The following CUL4A variants were observed in gnomAD, a reference collection of about 807,000 sequenced individuals.
CUL4A encodes the protein cullin 4A.
Under a neutral mutation model 95.5 loss-of-function variants are expected in CUL4A, and 16 were observed. The observed-to-expected ratio is 0.17, with a 90% confidence interval of 0.11 to 0.25. The LOEUF (loss-of-function observed/expected upper bound fraction) is 0.25. Among genes scored for constraint, CUL4A ranks in the 10% least tolerant of loss-of-function variants. The pLI is 1.00. For missense variants in CUL4A, 610 were observed against 937.0 expected (o/e 0.65, Z 4.56); for synonymous variants, 380 against 353.1 (o/e 1.08, Z -0.85).
intron 5 of CUL4A, among the ~76,000 whole-genome samples, chr13:113,231,745 C>T (rs541680347): frequency 3.0e-4 from 46 of 152,272 alleles, no homozygotes; most frequent in African/African-American, 7.9e-4. Flanking sequence ...GCAGCTGCCT[C>T]GAGCCCACAA....
chr13:113,239,639 AG>A, intron 10 of CUL4A, 88 bp downstream of exon 10: 3 of 978,572 alleles, frequency 3.1e-6, no homozygotes, highest in Non-Finnish European at 4.6e-6. Flanking sequence ...GCCCTGGCAA[AG>A]GGAACTGGGC....
rs2042349717 is a variant in CUL4A, at chr13:113,263,763, T to C, written c.*181T>C. On this transcript the variant is annotated 3_prime_UTR_variant, in exon 20 of 20. Coordinates refer to ENST00000375440, the MANE Select transcript of CUL4A (RefSeq NM_001008895.4). ...AAGACTTCAACCTGCAGATGTATCT[T>C]TTTCCCTCCAGTTTTTCCTCTAGTT... 2.4e-6 allele frequency: 1 copy of C among 421,796 alleles called. No individual in the cohort carries two copies. The highest frequency in any genetic ancestry group is 2.0e-5 in the African/African-American group (1 of 48,946). The allele number at this position is 421,796 out of a possible 1,614,324, so 26.1% of individuals were successfully genotyped here. A position where few individuals can be genotyped will look rare whatever the true frequency, so the allele number is the denominator to read the frequency against.
At chr13:113,238,814 G>T (rs530331320) in intron 9 of CUL4A, among the ~76,000 whole-genome samples, 2 of 152,144 alleles carry the variant, frequency 1.3e-5, no homozygotes, top group African/African-American at 4.8e-5. Context: ...TTGTATGACT[G>T]TTCACCATTT....
chr13:113,232,025 C>T (rs3895296), intron 5 of CUL4A, among the ~76,000 whole-genome samples: 24,006 of 41,392 alleles, frequency 0.58, 6,598 homozygotes, highest in Non-Finnish European at 0.75. Context: ...CCACCACCAC[C>T]ACCATTACTG....
chr13:113,224,665 C>A (rs543684378), intron 3 of CUL4A, among the ~76,000 whole-genome samples: 2 of 152,390 alleles, frequency 1.3e-5, no homozygotes, highest in African/African-American at 4.8e-5. Flanking sequence ...TCTCACTTGA[C>A]CAGATATCGT....
chr13:113,208,969 T>C (rs952641073), upstream of CUL4A: 2 of 1,109,020 alleles, frequency 1.8e-6, no homozygotes, highest in African/African-American at 1.7e-5. Context: ...CGTCTGCCCC[T>C]TGTGAAAACC....
chr13:113,225,138 G>A (rs955680479), intron 3 of CUL4A, among the ~76,000 whole-genome samples: 4 of 152,058 alleles, frequency 2.6e-5, no homozygotes, highest in African/African-American at 9.6e-5. Flanking sequence ...TGCCTAACTC[G>A]TCTCAGTAGG....
chr13:113,247,434 G>A (rs2041885981), intron 15 of CUL4A, among the ~76,000 whole-genome samples: 1 of 152,188 alleles, frequency 6.6e-6, no homozygotes, highest in Admixed American at 6.5e-5. Flanking sequence ...TGGAACAAGA[G>A]TCTTATGACT....
At chr13:113,257,202 G>A (rs559638224) in intron 18 of CUL4A, among the ~76,000 whole-genome samples, 27 of 152,168 alleles carry the variant, frequency 1.8e-4, no homozygotes, top group Non-Finnish European at 2.8e-4. Flanking sequence ...TGAGATTACA[G>A]GCGTGAGCCA....
At chr13:113,209,506 C>CTGGCG, upstream of CUL4A, 1 of 522,364 alleles carries the variant, frequency 1.9e-6, no homozygotes, top group Non-Finnish European at 2.4e-6. Context: ...CTCGGGCACG[C>CTGGCG]GGGCGGGGCG....
intron 10 of CUL4A, among the ~76,000 whole-genome samples, chr13:113,241,052 T>C (rs1201441134): frequency 6.6e-6 from 1 of 152,194 alleles, no homozygotes; most frequent in Admixed American, 6.5e-5. Context: ...CCTGAAGTCA[T>C]GTATCAGTCC....
At chr13:113,222,418 G>C (rs892391936) in intron 3 of CUL4A, among the ~76,000 whole-genome samples, 7 of 151,288 alleles carry the variant, frequency 4.6e-5, no homozygotes, top group Non-Finnish European at 1.0e-4. Context: ...TCTGACTGCT[G>C]TGGAAGGATG....
Position 113,263,508 on chromosome 13 carries a change from A to G in CUL4A, c.2206A>G (p.Ile736Val), listed in dbSNP as rs1472966452. 1 of 1,604,072 alleles carries G rather than the reference A, an allele frequency of 6.2e-7. No homozygotes were observed. Reference sequence around the variant, plus strand: ...TTAGCCTGGAGATTTGAAAAAGAGAATTGAATCTCTGATAGACAGAGACTA... The same window carrying G: ...TTAGCCTGGAGATTTGAAAAAGAGAGTTGAATCTCTGATAGACAGAGACTA... ...PVKPGDLKKRIESLIDRDYME... is the reference protein window; with the variant it reads ...PVKPGDLKKRVESLIDRDYME... The change falls in exon 20 of 20, where the codon ATT becomes GTT. Residue 736 changes from isoleucine to valine, a missense_variant. Around this residue, in one of 10 missense-constraint regions of CUL4A, gnomAD observed 31 missense variants for 40.3 expected, o/e 0.77. Coordinates refer to ENST00000375440, the MANE Select transcript of CUL4A (RefSeq NM_001008895.4).
chr13:113,233,327 G>T lies in CUL4A; in HGVS notation c.663G>T (p.Leu221=). The change falls in exon 6 of 20, where the codon CTG becomes CTT. Residue 221 remains leucine, a synonymous_variant. Coordinates refer to ENST00000375440, the MANE Select transcript of CUL4A (RefSeq NM_001008895.4). Reference sequence around the variant, plus strand: ...TGTTGCGGAGCCTCCTGGGCATGCTGTCTGACCTGCAGGTGAGTGCTGCCT... The same window carrying T: ...TGTTGCGGAGCCTCCTGGGCATGCTTTCTGACCTGCAGGTGAGTGCTGCCT... ...RSLLRSLLGM[L]SDLQVYKDSF... 1.2e-6 allele frequency: 2 copies of T among 1,612,854 alleles called. No homozygotes were observed. The highest frequency in any genetic ancestry group is 1.7e-6 in the Non-Finnish European group (2 of 1,179,830).
intron 19 of CUL4A, 152 bp from the exon 20 acceptor site, chr13:113,263,335 G>T: frequency 2.0e-5 from 7 of 342,292 alleles, no homozygotes; most frequent in Admixed American, 4.8e-5. Context: ...TCATAAATAT[G>T]TGTATAATTA....
At chr13:113,221,874 C>A (rs1002302435) in intron 3 of CUL4A, among the ~76,000 whole-genome samples, 1 of 152,194 alleles carries the variant, frequency 6.6e-6, no homozygotes, top group African/African-American at 2.4e-5. Context: ...CCGCGTCTGG[C>A]CTGTGATAAG....
At chr13:113,236,739 T>C (rs2041557956) in intron 8 of CUL4A, 84 bp from the exon 9 acceptor site, 3 of 887,124 alleles carry the variant, frequency 3.4e-6, no homozygotes, top group Non-Finnish European at 5.5e-6. Flanking sequence ...GCATCTGTCA[T>C]AGACAAATGC....
intron 15 of CUL4A, among the ~76,000 whole-genome samples, chr13:113,251,442 A>G (rs1234873386): frequency 6.6e-6 from 1 of 152,018 alleles, no homozygotes; most frequent in African/African-American, 2.4e-5. Context: ...ATCCAGAGAC[A>G]CAGGGAATGG....
At chr13:113,232,695 A>G (rs2041398063) in intron 5 of CUL4A, among the ~76,000 whole-genome samples, 2 of 152,190 alleles carry the variant, frequency 1.3e-5, no homozygotes, top group Admixed American at 6.5e-5. Flanking sequence ...GGAAAGCAGC[A>G]AACATTTGGT....
Sources: allele counts gnomAD v4.1 joint callset (sites outside exome capture counted in the v4.1 genomes callset), GRCh38; gene constraint gnomAD v4.1.1; regional missense constraint gnomAD v4.1.1; transcripts MANE v1.5; gene names NCBI Gene and HGNC (gene_info 2026-07-23, HGNC 2026-07-21).